Variants in WDPCP observed in about 807,000 individuals in gnomAD.
WDPCP encodes WD repeat containing planar cell polarity effector.
WDPCP carries 71 observed loss-of-function variants against 93.1 expected under a neutral mutation model. The observed-to-expected ratio is 0.76, with a 90% CI of 0.63 to 0.93. The LOEUF (loss-of-function observed/expected upper bound fraction) is 0.93. Among genes scored for constraint, WDPCP ranks in the 40% least tolerant of loss-of-function variants. The pLI, the probability that WDPCP is intolerant of heterozygous loss-of-function variation, is 0.00. For missense variants in WDPCP, 844 were observed against 887.4 expected, an observed-to-expected ratio of 0.95 and a Z score of 0.62; for synonymous variants, 315 against 315.0, an observed-to-expected ratio of 1.00 and a Z score of 0.00.
chr2:63,805,135 T>G (rs1670745800), intron 2 of WDPCP, among the ~76,000 whole-genome samples: 1 of 152,248 alleles, frequency 6.6e-6, no homozygotes, highest in African/African-American at 2.4e-5. Flanking sequence ...TGAAGTTTTA[T>G]TCTCCCTTAT....
intron 14 of WDPCP, among the ~76,000 whole-genome samples, chr2:63,247,545 T>A (rs1574974746): frequency 6.6e-6 from 1 of 152,258 alleles, no homozygotes; most frequent in East Asian, 1.9e-4. Context: ...ACAGCTTTGT[T>A]GCATGCACAA....
chr2:63,470,775 T>C (rs1699643788), intron 6 of WDPCP, among the ~76,000 whole-genome samples: 1 of 152,164 alleles, frequency 6.6e-6, no homozygotes, highest in Non-Finnish European at 1.5e-5. Context: ...ATAACTAGTG[T>C]CACATTTCCT....
intron 1 of WDPCP, among the ~76,000 whole-genome samples, chr2:63,543,047 A>G (rs1472444101): frequency 1.3e-5 from 2 of 152,204 alleles, no homozygotes; most frequent in African/African-American, 2.4e-5. Flanking sequence ...AAGTAGTAAA[A>G]CATTATAGTG....
intron 10 of WDPCP, among the ~76,000 whole-genome samples, chr2:63,394,943 TTATTA>T (rs1693589656): frequency 6.6e-6 from 1 of 152,088 alleles, no homozygotes. Context: ...AATACTGTAC[TTATTA>T]CCTGGGTGAC....
At chr2:63,361,988 T>C (rs558740668) in intron 12 of WDPCP, among the ~76,000 whole-genome samples, 1 of 152,286 alleles carries the variant, frequency 6.6e-6, no homozygotes, top group Non-Finnish European at 1.5e-5. Context: ...ATGTGATATT[T>C]TGACACCTGT....
chr2:63,126,159 C>T (rs1669887738), intron 17 of WDPCP, among the ~76,000 whole-genome samples: 1 of 151,912 alleles, frequency 6.6e-6, no homozygotes, highest in African/African-American at 2.4e-5. Context: ...GTCTTGAACT[C>T]CTGGCCTCAA....
rs1575117943 is a variant in WDPCP, at chr2:63,313,163, T to C, written c.1812+85A>G. 15 of 1,310,870 alleles carry C rather than the reference T, an allele frequency of 1.1e-5. No individual in the cohort carries two copies. The East Asian group carries it at 3.6e-4, about 32-fold the overall frequency. The allele number at this position is 1,310,870 out of a possible 1,614,324, so 81.2% of individuals were successfully genotyped here. On this transcript the variant is annotated intron_variant, in intron 13 of 17. Transcript: ENST00000272321. ...CCACCCTGTGTCTAAGGCTGCAAAA[T>C]GACAGTAATCCTTTTTATGGTCACA... is the stretch of plus-strand genomic sequence containing the variant.
At chr2:63,574,696 G>GA (rs879832576) in intron 1 of WDPCP, among the ~76,000 whole-genome samples, 6 of 150,842 alleles carry the variant, frequency 4.0e-5, no homozygotes, top group Admixed American at 6.6e-5. Context: ...TGAACAATAA[G>GA]AAAAAAAAAT....
chr2:63,240,344 G>C (rs1166613964), intron 14 of WDPCP, among the ~76,000 whole-genome samples: 2 of 151,882 alleles, frequency 1.3e-5, no homozygotes, highest in Non-Finnish European at 2.9e-5. Context: ...CCCCGAGCTA[G>C]CTTTAAAATT....
intron 1 of WDPCP, among the ~76,000 whole-genome samples, chr2:63,824,537 CA>C (rs70965144): frequency 4.3e-4 from 37 of 85,284 alleles, no homozygotes; most frequent in African/African-American, 1.0e-3. Context: ...GACCATGTTT[CA>C]AAAAAAAAAA....
intron 3 of WDPCP, among the ~76,000 whole-genome samples, chr2:63,597,107 A>C (rs1224169975): frequency 6.6e-6 from 1 of 152,242 alleles, no homozygotes; most frequent in Non-Finnish European, 1.5e-5. Context: ...GTGTCACTTC[A>C]AAAGTCATCA....
upstream of WDPCP, chr2:63,593,526 TC>T (rs1362704405): frequency 4.2e-6 from 2 of 470,976 alleles, no homozygotes; most frequent in Non-Finnish European, 8.8e-6. Flanking sequence ...CATCCTTGTT[TC>T]GTCTCAGAGA....
intron 2 of WDPCP, among the ~76,000 whole-genome samples, chr2:63,674,189 G>A (rs532111825): frequency 5.9e-5 from 9 of 152,266 alleles, no homozygotes; most frequent in South Asian, 4.1e-4. Flanking sequence ...TTGATTTTAC[G>A]TATTTGCTTT....
chr2:63,722,885 C>T (rs1330517130), intron 2 of WDPCP, among the ~76,000 whole-genome samples: 1 of 151,772 alleles, frequency 6.6e-6, no homozygotes, highest in Non-Finnish European at 1.5e-5. Context: ...GGATGGTTGC[C>T]GTGTCTGTGT....
At chr2:63,324,269 G>A (rs1361377410) in intron 12 of WDPCP, among the ~76,000 whole-genome samples, 5 of 152,072 alleles carry the variant, frequency 3.3e-5, no homozygotes, top group Admixed American at 6.6e-5. Flanking sequence ...CATCCCCCAG[G>A]AGGACCTTTC....
intron 1 of WDPCP, among the ~76,000 whole-genome samples, chr2:63,512,527 G>A (rs944979131): frequency 6.6e-6 from 1 of 152,182 alleles, no homozygotes; most frequent in Non-Finnish European, 1.5e-5. Context: ...TGAAGAAAAT[G>A]TGGCACATAT....
chr2:63,743,802 C>A (rs1210637872), intron 2 of WDPCP, among the ~76,000 whole-genome samples: 1 of 152,062 alleles, frequency 6.6e-6, no homozygotes, highest in Non-Finnish European at 1.5e-5. Context: ...TTTATTGCAA[C>A]TTTAATAACA....
intron 2 of WDPCP, among the ~76,000 whole-genome samples, chr2:63,492,026 T>G (rs536568484): frequency 6.7e-4 from 102 of 152,258 alleles, no homozygotes; most frequent in Middle Eastern, 3.4e-3. Flanking sequence ...AAACAAATGT[T>G]AAATCTACTT....
intron 6 of WDPCP, among the ~76,000 whole-genome samples, chr2:63,473,067 C>T (rs779702321): frequency 1.1e-4 from 16 of 152,092 alleles, no homozygotes; most frequent in Admixed American, 3.3e-4. Flanking sequence ...TCTGGCTCTC[C>T]GATTACATTT....
Sources: gnomAD v4.1 joint callset for allele counts (sites outside exome capture counted in the v4.1 genomes callset) on GRCh38, gnomAD v4.1.1 for gene constraint, MANE v1.5 for transcripts, NCBI Gene and HGNC (gene_info 2026-07-23, HGNC 2026-07-21) for gene names.